Variants in C2CD5 observed in about 807,000 individuals in gnomAD.
C2CD5 encodes C2 domain-containing protein 5.
C2CD5 carries 109 observed loss-of-function variants against 130.3 expected under a neutral mutation model. The ratio of observed to expected loss-of-function variants is 0.84; its 90% CI spans 0.72 to 0.98. The LOEUF (loss-of-function observed/expected upper bound fraction) is 0.98. Ranked by LOEUF, C2CD5 falls within the 50% of genes least tolerant of loss-of-function variation. The pLI is 0.00. For missense variants in C2CD5, 996 were observed against 1,261.8 expected, an observed-to-expected ratio of 0.79 and a Z score of 3.19; for synonymous variants, 454 against 429.2, an observed-to-expected ratio of 1.06 and a Z score of -0.71.
At chr12:22,456,370 C>T (rs1208024197) in intron 25 of C2CD5, among the ~76,000 whole-genome samples, 2 of 152,076 alleles carry the variant, frequency 1.3e-5, no homozygotes, top group Non-Finnish European at 2.9e-5. Context: ...AGTTTAAATT[C>T]CTGTGTTATA....
intron 26 of C2CD5, 54 bp downstream of exon 26, chr12:22,453,842 C>A: frequency 6.4e-7 from 1 of 1,556,820 alleles, no homozygotes; most frequent in Non-Finnish European, 8.8e-7. Flanking sequence ...GGTAGGAAGC[C>A]ATGGAAGAAA....
At position 22,530,107 on chromosome 12, in the gene C2CD5, T is replaced by C. The variant is rs1468763581; in HGVS notation, c.178-2215A>G. Among the ~76,000 whole-genome samples, 353 of 111,534 alleles carry C rather than the reference T, an allele frequency of 3.2e-3. 3 individuals are homozygous for C. Among genetic ancestry groups the C allele is most frequent in the African/African-American group, 0.011 (251 of 23,474 alleles). 73.2% of individuals were successfully genotyped at this position (111,534 alleles called of 152,430 possible). On this transcript the variant is annotated intron_variant, in intron 3 of 26. Coordinates refer to ENST00000446597, the MANE Select transcript of C2CD5 (RefSeq NM_001286176.2). The stretch of plus-strand genomic sequence containing the variant: ...ATATATATATATATATATATATATA[T>C]ATATACACACACACACACACACACA...
chr12:22,481,774 G>C (rs1212574106), intron 14 of C2CD5, among the ~76,000 whole-genome samples: 1 of 137,144 alleles, frequency 7.3e-6, no homozygotes, highest in Non-Finnish European at 1.5e-5. Flanking sequence ...TCCCACTTAA[G>C]CTTCCTGCCA....
chr12:22,450,482 G>C (rs1938338579), intron 26 of C2CD5, among the ~76,000 whole-genome samples: 2 of 152,072 alleles, frequency 1.3e-5, no homozygotes, highest in African/African-American at 4.8e-5. Flanking sequence ...ATACTATATG[G>C]AAGTGAAAAA....
chr12:22,453,462 C>T (rs1292736809), intron 26 of C2CD5, among the ~76,000 whole-genome samples: 1 of 152,102 alleles, frequency 6.6e-6, no homozygotes, highest in Admixed American at 6.6e-5. Context: ...CTTTCATCCC[C>T]ATTAAGAGAA....
At position 22,482,655 on chromosome 12, in the gene C2CD5, T is replaced by C; in HGVS notation, c.1639A>G (p.Thr547Ala). Residue 547 changes from threonine (T) to alanine (A), a missense_variant, in exon 14 of 27, where the codon ACT (threonine) becomes GCT (alanine). Physicochemically the swap from Thr to Ala is moderately conservative, Grantham distance 58. Around this residue, in one of 9 missense-constraint regions of C2CD5, gnomAD observed 590 missense variants for 631.4 expected, o/e 0.93. Coordinates refer to ENST00000446597, the MANE Select transcript of C2CD5 (RefSeq NM_001286176.2). ...AGTTTTAGTTTATTCATTAGCTGAG[T>C]ATGCACTTCATATTCCATAAATGGC... ...LLPFMEYEVH[T>A]QLMNKLKLKG... is the part of the protein sequence containing the mutation. 6.2e-7 allele frequency: 1 copy of C among 1,612,536 alleles called. No individual in the cohort carries two copies. Among genetic ancestry groups the C allele is most frequent in the Non-Finnish European group, 8.5e-7 (1 of 1,178,630 alleles).
At chr12:22,491,455 A>G (rs971813322) in intron 11 of C2CD5, among the ~76,000 whole-genome samples, 5 of 152,110 alleles carry the variant, frequency 3.3e-5, no homozygotes, top group African/African-American at 1.2e-4. Context: ...ATTTTCTTCC[A>G]ATTCTACTTT....
At chr12:22,462,212 A>G (rs1349948924) in intron 22 of C2CD5, among the ~76,000 whole-genome samples, 2 of 152,196 alleles carry the variant, frequency 1.3e-5, no homozygotes, top group Non-Finnish European at 2.9e-5. Flanking sequence ...AATCTCCTTA[A>G]AAGTCTTTCA....
intron 10 of C2CD5, among the ~76,000 whole-genome samples, chr12:22,496,236 A>G (rs1463302924): frequency 6.6e-6 from 1 of 152,128 alleles, no homozygotes; most frequent in Non-Finnish European, 1.5e-5. Context: ...TTACCAATAA[A>G]AATTCAGAGA....
chr12:22,524,732 ATC>A lies in C2CD5; in HGVS notation c.446-107_446-106del, dbSNP rs904918082. On this transcript the variant is annotated intron_variant, in intron 5 of 26. Coordinates refer to ENST00000446597, the MANE Select transcript of C2CD5 (RefSeq NM_001286176.2). ...ACCTTTAGATACATAATACAAGAAC[ATC>A]TTTTACTGTAATATTTTCAATGTAA... 7.7e-5 allele frequency: 52 copies of A among 677,762 alleles called. No individual in the cohort carries two copies. In the Middle Eastern group the frequency reaches 8.2e-4, roughly 11 times the overall value. The allele number at this position is 677,762 out of a possible 1,614,324, so 42.0% of individuals were successfully genotyped here. A position where few individuals can be genotyped will look rare whatever the true frequency, so the allele number is the denominator to read the frequency against.
Position 22,527,670 on chromosome 12 carries a change from A to C in C2CD5, c.349+51T>G, listed in dbSNP as rs576133774. ...TATAGCACAAATGTCTTTAAGGACAAATAAAAAAGATTAAGATTGTTATTT... is the reference window on the plus strand; with the variant it reads ...TATAGCACAAATGTCTTTAAGGACACATAAAAAAGATTAAGATTGTTATTT... On this transcript the variant is annotated intron_variant, in intron 4 of 26. Transcript: ENST00000446597. 3.9e-4 allele frequency: 423 copies of C among 1,088,310 alleles called. 4 individuals are homozygous for C. In the South Asian group the frequency reaches 6.8e-3, roughly 17 times the overall value. 67.4% of individuals were successfully genotyped at this position (1,088,310 alleles called of 1,614,324 possible).
chr12:22,484,862 C>A lies in C2CD5; in HGVS notation c.1385G>T (p.Cys462Phe). Reference sequence around the variant, plus strand: ...ATCATATGGTATATGACAAAATCCACAACGTGTAGGCAAATTTTCTTCAAG... The same window carrying A: ...ATCATATGGTATATGACAAAATCCAAAACGTGTAGGCAAATTTTCTTCAAG... Reference protein sequence around the residue: ...QRLEENLPTRCGFCHIPYDEL... With the variant: ...QRLEENLPTRFGFCHIPYDEL... Residue 462 changes from cysteine (C) to phenylalanine (F), a missense_variant, in exon 13 of 27, where the codon TGT becomes TTT. This residue lies in a region of C2CD5 where 590 missense variants were observed against 631.4 expected (regional missense o/e 0.93). Transcript: ENST00000446597. The A allele has an allele frequency of 6.4e-7, 1 of 1,557,394 alleles. No individual in the cohort carries two copies.
chr12:22,484,055 A>C (rs1309988293), intron 13 of C2CD5, among the ~76,000 whole-genome samples: 1 of 152,172 alleles, frequency 6.6e-6, no homozygotes, highest in African/African-American at 2.4e-5. Context: ...ATGGCTCTCA[A>C]GGATCAAGAA....
In C2CD5 at chr12:22,469,896, A is replaced by G; in HGVS notation, c.2447-101T>C. On this transcript the variant is annotated intron_variant, in intron 21 of 26. Coordinates refer to ENST00000446597, the MANE Select transcript of C2CD5 (RefSeq NM_001286176.2). ...CATACATATACATATTCTCAGCTCCATCTCCCCACCCCAATTTATTCTGGT... is the reference window on the plus strand; with the variant it reads ...CATACATATACATATTCTCAGCTCCGTCTCCCCACCCCAATTTATTCTGGT... 3 of 597,650 alleles carry G rather than the reference A, an allele frequency of 5.0e-6. No individual in the cohort carries two copies. The South Asian group carries it at 8.7e-5, about 17-fold the overall frequency. The allele number at this position is 597,650 out of a possible 1,614,324, so 37.0% of individuals were successfully genotyped here. A position where few individuals can be genotyped will look rare whatever the true frequency, so the allele number is the denominator to read the frequency against.
chr12:22,458,808 G>A (rs184464758), intron 23 of C2CD5: 1 of 308,516 alleles, frequency 3.2e-6, no homozygotes, highest in East Asian at 5.0e-5. Context: ...TTCTGGTGAT[G>A]TCATAGTTGT....
chr12:22,465,642 C>G (rs559646823), intron 22 of C2CD5, among the ~76,000 whole-genome samples: 3 of 152,082 alleles, frequency 2.0e-5, no homozygotes, highest in African/African-American at 4.8e-5. Flanking sequence ...AGATTCCCCC[C>G]CATTTTGCTC....
chr12:22,459,514 T>A lies in C2CD5; in HGVS notation c.2562A>T (p.Ser854=). The part of the protein sequence containing the change: ...KEHLESASSN[S]GIPAAQRATS... ...CACCTCTCTGTGCAGCTGGTATACC[T>A]GAGTTAGAACTTGCACTCTCCAGGT... Residue 854 remains serine, a synonymous_variant, in exon 23 of 27, where the codon TCA becomes TCT. Transcript: ENST00000446597. 6.5e-7 allele frequency: 1 copy of A among 1,532,694 alleles called. No homozygotes were observed. Among genetic ancestry groups the A allele is most frequent in the East Asian group, 2.4e-5 (1 of 40,840 alleles). 94.9% of individuals were successfully genotyped at this position (1,532,694 alleles called of 1,614,324 possible).
In C2CD5 at chr12:22,484,816, T is replaced by C; in HGVS notation, c.1431A>G (p.Pro477=). Residue 477 remains proline, a synonymous_variant, in exon 13 of 27, where the codon CCA becomes CCG. Transcript: ENST00000446597. The part of the protein sequence containing the change: ...IPYDELNMPF[P]AHLTYCYNCR... The stretch of plus-strand genomic sequence containing the variant: ...AGTTATAGCAATATGTGAGATGAGC[T>C]GGAAATGGCATATTCAGTTCATCAT... The C allele has an allele frequency of 6.2e-7, 1 of 1,609,570 alleles. No individual in the cohort carries two copies. Among genetic ancestry groups the C allele is most frequent in the Non-Finnish European group, 8.5e-7 (1 of 1,177,442 alleles).
chr12:22,515,858 A>T (rs945153314), intron 8 of C2CD5, among the ~76,000 whole-genome samples: 1 of 152,034 alleles, frequency 6.6e-6, no homozygotes, highest in Non-Finnish European at 1.5e-5. Context: ...GCTAAAAAAA[A>T]TTAGCTAAAA....
Sources: gnomAD v4.1 joint callset for allele counts (sites outside exome capture counted in the v4.1 genomes callset) on GRCh38, gnomAD v4.1.1 for gene constraint, gnomAD v4.1.1 regional missense constraint, MANE v1.5 for transcripts, NCBI Gene and HGNC (gene_info 2026-07-23, HGNC 2026-07-21) for gene names.